Variants in PNPT1 observed in about 807,000 individuals in gnomAD.
PNPT1 encodes polyribonucleotide nucleotidyltransferase 1, mitochondrial.
Under a neutral mutation model 119.5 loss-of-function variants are expected in PNPT1, and 53 were observed. That is an observed-to-expected ratio of 0.44 (90% CI 0.36 to 0.56). The LOEUF (loss-of-function observed/expected upper bound fraction) is 0.56, where lower values mean the gene tolerates loss of function less well. PNPT1 is among the 20% of genes least tolerant of loss of function. The probability of loss-of-function intolerance (pLI) is 0.00; values close to 1 mark genes in which losing one functional copy is unlikely to be tolerated. For synonymous variants in PNPT1, 357 were observed against 322.1 expected (o/e 1.11, Z -1.16); for missense variants, 948 against 938.5 (o/e 1.01, Z -0.13).
chr2:55,686,093 G>A (rs1195878335), intron 3 of PNPT1, among the ~76,000 whole-genome samples: 2 of 152,138 alleles, frequency 1.3e-5, no homozygotes, highest in Non-Finnish European at 1.5e-5. Flanking sequence ...TGAGGGCAAT[G>A]AATTCATTGC....
At position 55,671,309 on chromosome 2, in the gene PNPT1, TA is replaced by T; in HGVS notation, c.976+9del. On this transcript the variant is annotated intron_variant, in intron 11 of 27. Coordinates refer to ENST00000447944, the MANE Select transcript of PNPT1 (RefSeq NM_033109.5). ...AGCAAAAAAATAAAATAAAATAAAA[TA>T]AAATTTACCTTTTAGTTGTTCCTCC... The T allele has an allele frequency of 6.9e-7, 1 of 1,444,782 alleles. No individual in the cohort carries two copies. The highest frequency in any genetic ancestry group is 9.3e-7 in the Non-Finnish European group (1 of 1,070,388). 89.5% of individuals were successfully genotyped at this position (1,444,782 alleles called of 1,614,324 possible).
chr2:55,651,895 A>AAC (rs984785784), intron 18 of PNPT1, among the ~76,000 whole-genome samples: 2 of 151,256 alleles, frequency 1.3e-5, no homozygotes, highest in African/African-American at 2.4e-5. Flanking sequence ...CAAAAAAAAA[A>AAC]AAAAAAAAAC....
In PNPT1 at chr2:55,674,454, A is replaced by T. The variant is rs1165142421; in HGVS notation, c.680-1375T>A. ...TAAAAAATGAAAGAATTAGCCAGGC[A>T]TAGTGGCGTGCACCTGTAGTCCCAG... On this transcript the variant is annotated intron_variant, in intron 8 of 27. Coordinates refer to ENST00000447944, the MANE Select transcript of PNPT1 (RefSeq NM_033109.5). Among the ~76,000 whole-genome samples, 4 of 152,270 alleles carry T rather than the reference A, an allele frequency of 2.6e-5. No individual in the cohort carries two copies. In the South Asian group the frequency reaches 6.2e-4, roughly 24 times the overall value.
At chr2:55,684,379 A>G (rs1297723855) in intron 4 of PNPT1, among the ~76,000 whole-genome samples, 1 of 152,052 alleles carries the variant, frequency 6.6e-6, no homozygotes, top group East Asian at 1.9e-4. Flanking sequence ...AATCCCAATC[A>G]CTTGAACCCG....
chr2:55,666,370 C>T (rs927127734), intron 13 of PNPT1, among the ~76,000 whole-genome samples: 1 of 152,180 alleles, frequency 6.6e-6, no homozygotes, highest in African/African-American at 2.4e-5. Flanking sequence ...GCAATCCTCC[C>T]TCCTGGGCCT....
intron 17 of PNPT1, 45 bp downstream of exon 17, chr2:55,656,086 G>T (rs1696376654): frequency 1.9e-6 from 3 of 1,582,030 alleles, no homozygotes; most frequent in Non-Finnish European, 2.6e-6. Flanking sequence ...ATAGAATAGG[G>T]AATATGGTCT....
chr2:55,692,186 T>G (rs1697639180), intron 1 of PNPT1, among the ~76,000 whole-genome samples: 1 of 151,942 alleles, frequency 6.6e-6, no homozygotes, highest in South Asian at 2.1e-4. Flanking sequence ...TGCTCGGCCG[T>G]TTTTTAAAAT....
intron 8 of PNPT1, 26 bp from the exon 9 acceptor site, chr2:55,673,105 A>G: frequency 6.6e-7 from 1 of 1,506,964 alleles, no homozygotes; most frequent in Non-Finnish European, 8.9e-7. Context: ...AGAAAAAAAA[A>G]ATGACTGCCA....
At chr2:55,646,619 T>C in intron 19 of PNPT1, 133 bp from the exon 20 acceptor site, 1 of 621,740 alleles carries the variant, frequency 1.6e-6, no homozygotes, top group South Asian at 2.2e-5. Flanking sequence ...CAATGTTTTC[T>C]ACATTAACTA....
chr2:55,656,292 G>C lies in PNPT1; in HGVS notation c.1351+13C>G, dbSNP rs765967195. ...GTAAGAATACCGTATTAAGTTTACAGACCTGTACTTACCATGCCCAAGTTC... is the reference window on the plus strand; with the variant it reads ...GTAAGAATACCGTATTAAGTTTACACACCTGTACTTACCATGCCCAAGTTC... On this transcript the variant is annotated intron_variant, in intron 16 of 27. Transcript: ENST00000447944. 3 of 1,611,450 alleles carry C rather than the reference G, an allele frequency of 1.9e-6. No individual in the cohort carries two copies. Among genetic ancestry groups the C allele is most frequent in the Non-Finnish European group, 2.5e-6 (3 of 1,178,866 alleles).
In PNPT1 at chr2:55,680,935, A is replaced by AG; in HGVS notation, c.454-18_454-17insC. Reference sequence around the variant, plus strand: ...ACACAGAACCTGGTAAAAGGGAAAAAATTTGATTTGGAAGGGTTATCATTT... The same window carrying AG: ...ACACAGAACCTGGTAAAAGGGAAAAAGATTTGATTTGGAAGGGTTATCATTT... On this transcript the variant is annotated splice_polypyrimidine_tract_variant and intron_variant, in intron 5 of 27. Coordinates refer to ENST00000447944, the MANE Select transcript of PNPT1 (RefSeq NM_033109.5). 5.6e-6 allele frequency: 9 copies of AG among 1,608,866 alleles called. No individual in the cohort carries two copies. The highest frequency in any genetic ancestry group is 7.6e-6 in the Non-Finnish European group (9 of 1,176,562).
chr2:55,682,491 G>C (rs981296135), intron 5 of PNPT1, among the ~76,000 whole-genome samples: 3 of 152,042 alleles, frequency 2.0e-5, no homozygotes, highest in Admixed American at 6.6e-5. Flanking sequence ...TATAAGCATA[G>C]ATGAAACAAA....
intron 13 of PNPT1, among the ~76,000 whole-genome samples, chr2:55,662,500 C>A (rs1696608779): frequency 6.6e-6 from 1 of 152,230 alleles, no homozygotes; most frequent in East Asian, 1.9e-4. Context: ...TACGGTGAAA[C>A]CCTGTCTCTA....
At chr2:55,672,840 G>C (rs1277038047) in intron 9 of PNPT1, 53 bp downstream of exon 9, 1 of 1,497,210 alleles carries the variant, frequency 6.7e-7, no homozygotes, top group Admixed American at 2.2e-5. Context: ...TCTCCCACGA[G>C]GAAATTAAAT....
intron 18 of PNPT1, among the ~76,000 whole-genome samples, chr2:55,652,911 G>C (rs12476169): frequency 0.085 from 13,012 of 152,204 alleles, 685 homozygotes; most frequent in South Asian, 0.14. Flanking sequence ...GCAGTGGCAC[G>C]ATCTTGGCTC....
chr2:55,693,387 C>T (rs923926633), intron 1 of PNPT1, among the ~76,000 whole-genome samples: 1 of 152,074 alleles, frequency 6.6e-6, no homozygotes, highest in Non-Finnish European at 1.5e-5. Flanking sequence ...CCCAGTGGTC[C>T]CGGAAAGTAA....
At chr2:55,691,045 G>A (rs1697581163) in intron 1 of PNPT1, among the ~76,000 whole-genome samples, 1 of 152,206 alleles carries the variant, frequency 6.6e-6, no homozygotes, top group Non-Finnish European at 1.5e-5. Context: ...CTGGCATTCT[G>A]TCTACCAATG....
intron 4 of PNPT1, among the ~76,000 whole-genome samples, chr2:55,684,421 G>C (rs936766330): frequency 1.3e-5 from 2 of 152,148 alleles, no homozygotes; most frequent in Non-Finnish European, 2.9e-5. Flanking sequence ...CCGAGATCGT[G>C]CCACTGCACT....
intron 18 of PNPT1, among the ~76,000 whole-genome samples, chr2:55,654,256 C>CAA (rs1376567034): frequency 0.038 from 4,131 of 108,624 alleles, 147 homozygotes; most frequent in South Asian, 0.1. Context: ...GACTCTGTCT[C>CAA]AAAAAAAAAA....
Sources: gnomAD v4.1 joint callset for allele counts (sites outside exome capture counted in the v4.1 genomes callset) on GRCh38, gnomAD v4.1.1 for gene constraint, MANE v1.5 for transcripts, NCBI Gene and HGNC (gene_info 2026-07-23, HGNC 2026-07-21) for gene names.